Variants in PLA2G4E observed in about 807,000 individuals in gnomAD.
PLA2G4E encodes phospholipase A2 group IVE.
In PLA2G4E, 84 loss-of-function variants were observed where a neutral mutation model predicts 109.1. The observed-to-expected ratio is 0.77, with a 90% CI of 0.65 to 0.92. The LOEUF is 0.92. Ranked by LOEUF, PLA2G4E falls within the 40% of genes least tolerant of loss-of-function variation. PLA2G4E has a pLI of 0.00. For missense variants in PLA2G4E, 1,057 were observed against 1,076.6 expected, an observed-to-expected ratio of 0.98 and a Z score of 0.25; for synonymous variants, 469 against 436.1, an observed-to-expected ratio of 1.08 and a Z score of -0.94.
Position 41,988,186 on chromosome 15 carries a change from C to T in PLA2G4E, c.1724-30G>A, listed in dbSNP as rs781134427. The T allele has an allele frequency of 4.0e-6, 6 of 1,499,916 alleles. No individual in the cohort carries two copies. The South Asian group carries it at 4.8e-5, about 12-fold the overall frequency. The allele number at this position is 1,499,916 out of a possible 1,614,324, so 92.9% of individuals were successfully genotyped here. ...GAGCCAGGGCCAGCGTGAGCAGCTCCACCCTGCAGCCCCAGGCCCCACACT... is the reference window on the plus strand; with the variant it reads ...GAGCCAGGGCCAGCGTGAGCAGCTCTACCCTGCAGCCCCAGGCCCCACACT... On this transcript the variant is annotated intron_variant, in intron 15 of 19. Transcript: ENST00000399518.
rs749510549 is a variant in PLA2G4E at position 41,999,569 on chromosome 15, G to C, written c.937-8C>G. On this transcript the variant is annotated splice_region_variant and splice_polypyrimidine_tract_variant and intron_variant, in intron 9 of 19. Coordinates refer to ENST00000399518, the Ensembl canonical transcript of PLA2G4E. ...TAATTCATAACTCTCACCCTGGGGA[G>C]GGAAAGATGAAAAGCTTGTCAGAGG... is the stretch of plus-strand genomic sequence containing the variant. 6.2e-7 allele frequency: 1 copy of C among 1,612,024 alleles called. No individual in the cohort carries two copies. Among genetic ancestry groups the C allele is most frequent in the Admixed American group, 1.7e-5 (1 of 59,792 alleles).
chr15:42,014,559 G>A (rs964617223), intron 1 of PLA2G4E, among the ~76,000 whole-genome samples: 10 of 152,152 alleles, frequency 6.6e-5, no homozygotes, highest in African/African-American at 2.4e-4. Context: ...CGGGAAGGGG[G>A]GTGACAGACA....
intron 1 of PLA2G4E, among the ~76,000 whole-genome samples, chr15:42,024,790 A>C (rs2068678792): frequency 6.6e-6 from 1 of 152,234 alleles, no homozygotes; most frequent in Non-Finnish European, 1.5e-5. Context: ...CTTTGCCAAC[A>C]AACTCTGGAT....
At chr15:42,013,523 C>A (rs926419450) in intron 2 of PLA2G4E, among the ~76,000 whole-genome samples, 162 bp downstream of exon 2, 1 of 152,226 alleles carries the variant, frequency 6.6e-6, no homozygotes, top group African/African-American at 2.4e-5. Flanking sequence ...ATAGAACACA[C>A]ATTCGTGCAC....
rs142791404 is a variant in PLA2G4E at position 42,017,874 on chromosome 15, T to C, written c.184-4117A>G. Among the ~76,000 whole-genome samples the C allele has an allele frequency of 5.9e-3, 904 of 152,354 alleles. 8 individuals carry two copies. Among genetic ancestry groups the C allele is most frequent in the African/African-American group, 0.021 (865 of 41,578 alleles). On this transcript the variant is annotated intron_variant, in intron 1 of 19. Transcript: ENST00000399518. ...AGCACATCAGAGCCATAAGGGTCTT[T>C]GGAGAAGTTCCCATTTTCCAGTAGC...
intron 16 of PLA2G4E, 96 bp from the exon 17 acceptor site, chr15:41,987,471 G>T: frequency 1.7e-6 from 2 of 1,193,114 alleles, no homozygotes; most frequent in Non-Finnish European, 2.4e-6. Flanking sequence ...ACCCAGGGGT[G>T]AGCACTGTAA....
intron 1 of PLA2G4E, among the ~76,000 whole-genome samples, chr15:42,015,732 G>A (rs370377755): frequency 2.1e-4 from 32 of 152,320 alleles, no homozygotes; most frequent in Admixed American, 1.0e-3. Flanking sequence ...GCCTCTGGCT[G>A]GCTCCAGAAG....
intron 1 of PLA2G4E, among the ~76,000 whole-genome samples, chr15:42,037,638 C>G (rs927817355): frequency 2.0e-5 from 3 of 152,206 alleles, no homozygotes; most frequent in African/African-American, 7.2e-5. Flanking sequence ...CTGAAACATG[C>G]CCCTTGCTCA....
At chr15:42,016,767 C>T (rs55971911) in intron 1 of PLA2G4E, among the ~76,000 whole-genome samples, 19,048 of 152,198 alleles carry the variant, frequency 0.13, 2,648 homozygotes, top group African/African-American at 0.33. Flanking sequence ...AAACTCACAG[C>T]CAATTATAGG....
chr15:42,012,503 C>CA (rs1457976615), intron 2 of PLA2G4E, among the ~76,000 whole-genome samples: 1 of 152,196 alleles, frequency 6.6e-6, no homozygotes, highest in African/African-American at 2.4e-5. Context: ...TGTCTGGCTA[C>CA]AGGTCAGCCA....
chr15:42,006,228 G>A lies in PLA2G4E; in HGVS notation c.394-107C>T, dbSNP rs141652358. 8.1e-5 allele frequency: 114 copies of A among 1,411,802 alleles called. No homozygotes were observed. In the African/African-American group the frequency reaches 1.5e-3, roughly 18 times the overall value. 87.5% of individuals were successfully genotyped at this position (1,411,802 alleles called of 1,614,324 possible). ...TAGCAAGGAGGTAGGTCTGGGGGATGGGAGACAGCCCAGAAGTCCCTGCTC... is the reference window on the plus strand; with the variant it reads ...TAGCAAGGAGGTAGGTCTGGGGGATAGGAGACAGCCCAGAAGTCCCTGCTC... On this transcript the variant is annotated intron_variant, in intron 3 of 19. Coordinates refer to ENST00000399518, the Ensembl canonical transcript of PLA2G4E.
exon 20 of PLA2G4E, chr15:41,983,839 A>G (rs1259508808): frequency 6.2e-7 from 1 of 1,612,370 alleles, no homozygotes; most frequent in East Asian, 2.2e-5. Flanking sequence ...ATTATTCAGG[A>G]TGTTATACTC....
chr15:41,987,406 C>A, intron 16 of PLA2G4E, 31 bp from the exon 17 acceptor site: 2 of 1,597,832 alleles, frequency 1.3e-6, no homozygotes, highest in South Asian at 1.1e-5. Flanking sequence ...AAGGGCAGGT[C>A]ATGAGAGGTG....
chr15:41,985,287 G>A (rs911869607), intron 18 of PLA2G4E, among the ~76,000 whole-genome samples: 8 of 152,130 alleles, frequency 5.3e-5, no homozygotes. Context: ...TTGCCCTGTT[G>A]GTCTGTGTAC....
intron 11 of PLA2G4E, 127 bp from the exon 12 acceptor site, chr15:41,995,623 G>T: frequency 8.3e-7 from 1 of 1,206,590 alleles, no homozygotes. Flanking sequence ...GGCAGGGAGT[G>T]CGGCGTTGAG....
At chr15:42,002,264 C>CAAAAAAAAAAAAA (rs71108143) in intron 6 of PLA2G4E, among the ~76,000 whole-genome samples, 8 of 73,234 alleles carry the variant, frequency 1.1e-4, no homozygotes, top group African/African-American at 4.9e-4. Flanking sequence ...GACCTTGTCT[C>CAAAAAAAAAAAAA]AAAAAAAAAA....
chr15:42,049,129 C>G (rs1231812469), intron 1 of PLA2G4E, among the ~76,000 whole-genome samples: 2 of 152,158 alleles, frequency 1.3e-5, no homozygotes, highest in Non-Finnish European at 2.9e-5. Flanking sequence ...TCACCGGAGA[C>G]AGGGAGACTG....
chr15:42,001,031 T>A (rs911920942), intron 7 of PLA2G4E, 126 bp downstream of exon 7: 7 of 940,794 alleles, frequency 7.4e-6, no homozygotes, highest in Non-Finnish European at 1.1e-5. Context: ...TTCTGAGGGG[T>A]TTCAGCCGAG....
chr15:41,982,160 C>T (rs2068076067), exon 20 of PLA2G4E: 2 of 152,144 alleles, frequency 1.3e-5, no homozygotes, highest in Non-Finnish European at 2.9e-5. Flanking sequence ...CCAAAGACTG[C>T]TTAGGGAGCA....
Sources: allele counts gnomAD v4.1 joint callset (sites outside exome capture counted in the v4.1 genomes callset), GRCh38; gene constraint gnomAD v4.1.1; transcripts MANE v1.5; gene names NCBI Gene and HGNC (gene_info 2026-07-23, HGNC 2026-07-21).